The following JPH3 variants were observed in gnomAD, a reference collection of about 807,000 sequenced individuals.
The protein encoded by JPH3 is junctophilin-3.
JPH3 carries 11 observed loss-of-function variants against 59.6 expected under a neutral mutation model. The observed-to-expected ratio is 0.18, with a 90% CI of 0.12 to 0.31. The LOEUF is 0.31. Among genes scored for constraint, JPH3 ranks in the 10% least tolerant of loss-of-function variants. The probability of loss-of-function intolerance (pLI) is 1.00; values close to 1 mark genes in which losing one functional copy is unlikely to be tolerated. For synonymous variants in JPH3, 673 were observed against 483.6 expected (o/e 1.39, Z -5.14); for missense variants, 1,202 against 1,105.7 (o/e 1.09, Z -1.24).
In JPH3 at chr16:87,608,653, C is replaced by T. The variant is rs116715201; in HGVS notation, c.382+5125C>T. On this transcript the variant is annotated intron_variant, in intron 1 of 4. Coordinates refer to ENST00000284262, the MANE Select transcript of JPH3 (RefSeq NM_020655.4). ...TTGGGTGGACGGCTGGACTCACTTTCGCTCTAGGCATCCTCTTCAAGCCAA... is the reference window on the plus strand; with the variant it reads ...TTGGGTGGACGGCTGGACTCACTTTTGCTCTAGGCATCCTCTTCAAGCCAA... Among the ~76,000 whole-genome samples, 453 of 152,292 alleles carry T rather than the reference C, an allele frequency of 3.0e-3. 2 individuals carry two copies. The highest frequency in any genetic ancestry group is 0.01 in the African/African-American group (417 of 41,564).
intron 1 of JPH3, among the ~76,000 whole-genome samples, chr16:87,629,090 T>G (rs1202195535): frequency 6.6e-6 from 1 of 151,848 alleles, no homozygotes; most frequent in Non-Finnish European, 1.5e-5. Flanking sequence ...GGTCTCCACC[T>G]CTTGTTGCTG....
chr16:87,654,146 C>T (rs1473801118), intron 2 of JPH3: 1 of 152,278 alleles, frequency 6.6e-6, no homozygotes, highest in South Asian at 2.1e-4. Context: ...TCCACGAATA[C>T]ATTGTGCCTT....
chr16:87,677,124 A>AGTCCGC (rs1395257081), intron 2 of JPH3, among the ~76,000 whole-genome samples: 2 of 149,980 alleles, frequency 1.3e-5, no homozygotes, highest in Non-Finnish European at 3.0e-5. Context: ...GTGCCACTGC[A>AGTCCGC]ATCCAGCCTA....
chr16:87,653,930 G>T (rs2032408293), intron 2 of JPH3: 1 of 152,280 alleles, frequency 6.6e-6, no homozygotes, highest in Non-Finnish European at 1.5e-5. Flanking sequence ...CAGGAAGGCA[G>T]CCAGCTGCCC....
At chr16:87,613,646 T>C (rs186508827) in intron 1 of JPH3, among the ~76,000 whole-genome samples, 1 of 152,156 alleles carries the variant, frequency 6.6e-6, no homozygotes, top group Non-Finnish European at 1.5e-5. Context: ...GAATATATTT[T>C]TGATCTGCAG....
In JPH3 at chr16:87,603,544, CG is replaced by C. The variant is rs2030351272; in HGVS notation, c.382+19del. On this transcript the variant is annotated intron_variant, in intron 1 of 4. Transcript: ENST00000284262. ...TCGGACGGAGGTAGGTGCCGCGGGC[CG>C]GGCCGGGCCGGGGCGGGAGGGACGT... The C allele has an allele frequency of 6.5e-7, 1 of 1,542,634 alleles. No homozygotes were observed. Among genetic ancestry groups the C allele is most frequent in the Admixed American group, 2.0e-5 (1 of 50,080 alleles).
intron 2 of JPH3, among the ~76,000 whole-genome samples, chr16:87,658,132 GCC>G (rs2032568931): frequency 3.3e-5 from 5 of 152,272 alleles, no homozygotes; most frequent in Non-Finnish European, 5.9e-5. Context: ...GTGTTAATGG[GCC>G]CAACACCAAC....
intron 1 of JPH3, among the ~76,000 whole-genome samples, chr16:87,629,461 C>A (rs1164233477): frequency 6.6e-6 from 1 of 151,460 alleles, no homozygotes; most frequent in East Asian, 1.9e-4. Context: ...AAGACATTCC[C>A]TTTATTTGTA....
chr16:87,665,538 G>A (rs1207574608), intron 2 of JPH3, among the ~76,000 whole-genome samples: 1 of 152,194 alleles, frequency 6.6e-6, no homozygotes, highest in African/African-American at 2.4e-5. Flanking sequence ...CAACATTGTG[G>A]GGTGAGCCCC....
At chr16:87,695,440 T>G (rs1379193472) in intron 4 of JPH3, 1 of 455,726 alleles carries the variant, frequency 2.2e-6, no homozygotes, top group Admixed American at 2.4e-5. Context: ...GTCTGCGTGG[T>G]AGGAAGTGGA....
chr16:87,680,190 C>T (rs1222129490), intron 2 of JPH3, among the ~76,000 whole-genome samples: 5 of 152,270 alleles, frequency 3.3e-5, no homozygotes, highest in Admixed American at 3.3e-4. Context: ...CTGGCTTCCT[C>T]TGGCGGAGGG....
intron 1 of JPH3, chr16:87,605,101 C>T (rs1054487692): frequency 2.9e-6 from 1 of 346,912 alleles, no homozygotes; most frequent in African/African-American, 2.1e-5. Context: ...GGGCTGCTAT[C>T]ACCCCCAGGC....
intron 1 of JPH3, among the ~76,000 whole-genome samples, chr16:87,618,499 C>T (rs1053144209): frequency 1.3e-5 from 2 of 152,200 alleles, no homozygotes; most frequent in Non-Finnish European, 2.9e-5. Flanking sequence ...GTCCATGTGT[C>T]GTGCCCATTT....
In JPH3 at chr16:87,644,436, C is replaced by T. The variant is rs753288708; in HGVS notation, c.561C>T (p.Gly187=). The stretch of plus-strand genomic sequence containing the variant: ...CCGACGCCTCTCCGGCGGTGGCCGG[C>T]AGCCCGGCCGTGTCCCGCGGGGGCT... ...LHPDASPAVA[G]SPAVSRGGFV... is the part of the protein sequence containing the mutation. Residue 187 remains glycine, a synonymous_variant, in exon 2 of 5, where the codon GGC becomes GGT. Transcript: ENST00000284262. 9 of 1,611,956 alleles carry T rather than the reference C, an allele frequency of 5.6e-6. No homozygotes were observed. In the East Asian group the frequency reaches 1.6e-4, roughly 28 times the overall value.
intron 2 of JPH3, among the ~76,000 whole-genome samples, chr16:87,646,686 AC>A (rs2032164743): frequency 6.6e-6 from 1 of 151,818 alleles, no homozygotes; most frequent in South Asian, 2.1e-4. Flanking sequence ...TGCTTTTTTG[AC>A]CCTAGTGGAC....
intron 4 of JPH3, chr16:87,693,432 G>A (rs529324267): frequency 6.6e-6 from 1 of 152,386 alleles, no homozygotes; most frequent in East Asian, 1.9e-4. Context: ...CCAGCACTTT[G>A]AGAGGCCGAG....
intron 2 of JPH3, among the ~76,000 whole-genome samples, chr16:87,669,136 C>T (rs767036733): frequency 2.6e-5 from 4 of 152,196 alleles, no homozygotes; most frequent in South Asian, 2.1e-4. Context: ...CCTGGGTCCT[C>T]ACAGCAGTGT....
At chr16:87,604,107 G>C in intron 1 of JPH3, 1 of 1,326,478 alleles carries the variant, frequency 7.5e-7, no homozygotes, top group Non-Finnish European at 9.8e-7. Flanking sequence ...ACGCGGACTA[G>C]CGCTGTCGAA....
intron 4 of JPH3, among the ~76,000 whole-genome samples, chr16:87,690,887 C>A (rs906780834): frequency 1.3e-5 from 2 of 152,218 alleles, no homozygotes; most frequent in South Asian, 4.1e-4. Context: ...GTGAGATGAC[C>A]GCTTGAGTGT....
Sources: allele counts gnomAD v4.1 joint callset (sites outside exome capture counted in the v4.1 genomes callset), GRCh38; gene constraint gnomAD v4.1.1; transcripts MANE v1.5; gene names NCBI Gene and HGNC (gene_info 2026-07-23, HGNC 2026-07-21).